DENND4C: variants seen among roughly 807,000 people sequenced by gnomAD.
DENND4C encodes the protein DENN domain containing 4C, also known as DENN domain-containing protein 4C.
DENND4C carries 108 observed loss-of-function variants against 203.0 expected under a neutral mutation model. The observed-to-expected ratio is 0.53, with a 90% CI of 0.46 to 0.62. The LOEUF is 0.62. DENND4C is among the 20% of genes least tolerant of loss of function. DENND4C has a pLI of 0.00. For synonymous variants in DENND4C, 871 were observed against 792.4 expected (o/e 1.10, Z -1.67); for missense variants, 2,481 against 2,301.2 (o/e 1.08, Z -1.60).
At position 19,335,598 on chromosome 9, in the gene DENND4C, T is replaced by C. The variant is rs139558529; in HGVS notation, c.2589+493T>C. Among the ~76,000 whole-genome samples the C allele has an allele frequency of 3.5e-3, 531 of 152,288 alleles. 2 individuals are homozygous for C. Among genetic ancestry groups the C allele is most frequent in the African/African-American group, 0.012 (511 of 41,570 alleles). On this transcript the variant is annotated intron_variant, in intron 18 of 32. Transcript: ENST00000434457. The stretch of plus-strand genomic sequence containing the variant: ...TCCTGGATCTCATATATATGTGAGA[T>C]CTTGCGGTATTTGTCTTTCTGTGCC...
chr9:19,316,843 A>G lies in DENND4C; in HGVS notation c.1807+4A>G, dbSNP rs1046244178. The G allele has an allele frequency of 6.2e-7, 1 of 1,605,532 alleles. No homozygotes were observed. The highest frequency in any genetic ancestry group is 8.5e-7 in the Non-Finnish European group (1 of 1,177,104). ...GATTCATTGTTTGACCGACAGGGTG[A>G]GTAGCATTGAAAGTACAATTCCTTT... On this transcript the variant is annotated splice_donor_region_variant and intron_variant, in intron 12 of 32. Coordinates refer to ENST00000434457, the MANE Select transcript of DENND4C (RefSeq NM_001330640.2).
intron 22 of DENND4C, among the ~76,000 whole-genome samples, chr9:19,343,767 A>G (rs1241459864): frequency 6.6e-6 from 1 of 152,264 alleles, no homozygotes; most frequent in African/African-American, 2.4e-5. Flanking sequence ...AAAATATTGA[A>G]CTGGACATCG....
intron 31 of DENND4C, 29 bp downstream of exon 31, chr9:19,370,016 CCACT>C: frequency 3.1e-6 from 5 of 1,609,590 alleles, no homozygotes; most frequent in Middle Eastern, 1.7e-4. Flanking sequence ...TTGCTTGCCA[CCACT>C]CAGTCATTTC....
rs893088355 is a variant in DENND4C at position 19,332,049 on chromosome 9, T to G, written c.2325T>G (p.Phe775Leu). 7 of 1,614,120 alleles carry G rather than the reference T, an allele frequency of 4.3e-6. No homozygotes were observed. The highest frequency in any genetic ancestry group is 5.9e-6 in the Non-Finnish European group (7 of 1,180,002). The stretch of plus-strand genomic sequence containing the variant: ...CACCACAGTGGGCCAAGTGTCTGTT[T>G]AGTCATTGTTACAGTTTATGGTTTA... ...TNPPQWAKCLFSHCYSLWFIC... is the reference protein window; with the variant it reads ...TNPPQWAKCLLSHCYSLWFIC... The change falls in exon 17 of 33, where the codon TTT (phenylalanine) becomes TTG (leucine). Residue 775 changes from phenylalanine (F) to leucine (L), a missense_variant. Transcript: ENST00000434457.
At position 19,358,814 on chromosome 9, in the gene DENND4C, T is replaced by C. The variant is rs538132748; in HGVS notation, c.5160+654T>C. Among the ~76,000 whole-genome samples, 1 of 151,958 alleles carries C rather than the reference T, an allele frequency of 6.6e-6. No individual in the cohort carries two copies. The highest frequency in any genetic ancestry group is 2.4e-5 in the African/African-American group (1 of 41,228). On this transcript the variant is annotated intron_variant, in intron 28 of 32. Transcript: ENST00000434457. This position sits in a 1 kb window ranked among gnomAD's most constrained non-coding sequence, Gnocchi z 4.8. Reference sequence around the variant, plus strand: ...ATTTTGCTGATTGCAACGATAAAAGTTGGAATTTGTGTCCGGAACCTTGAT... The same window carrying C: ...ATTTTGCTGATTGCAACGATAAAAGCTGGAATTTGTGTCCGGAACCTTGAT...
intron 27 of DENND4C, 159 bp from the exon 28 acceptor site, chr9:19,357,806 C>T: frequency 1.7e-6 from 1 of 583,048 alleles, no homozygotes; most frequent in African/African-American, 1.8e-5. Flanking sequence ...ACCAGTTTTA[C>T]AAAAATGGTT....
At chr9:19,342,506 G>A in intron 21 of DENND4C, 127 bp from the exon 22 acceptor site, 2 of 926,756 alleles carry the variant, frequency 2.2e-6, no homozygotes, top group Non-Finnish European at 3.0e-6. Flanking sequence ...ATTTTACTTT[G>A]TGTCTAAAGT....
rs1044294186 is a variant in DENND4C, at chr9:19,290,705, T to C, written c.630T>C (p.Gly210=). Residue 210 remains glycine, a splice_region_variant and synonymous_variant, in exon 5 of 33, where the codon GGT becomes GGC. Transcript: ENST00000434457. ...TATTGTTGTCTCATTCTTCAAAAGG[T>C]TTAATTTTTAGATATCCAGAAGAGG... ...PASNAIAYKA[G]LIFRYPEEDY... 3.5e-6 allele frequency: 5 copies of C among 1,432,746 alleles called. No individual in the cohort carries two copies. The highest frequency in any genetic ancestry group is 3.7e-6 in the Non-Finnish European group (4 of 1,084,658). 88.8% of individuals were successfully genotyped at this position (1,432,746 alleles called of 1,614,324 possible). A position where few individuals can be genotyped will look rare whatever the true frequency, so the allele number is the denominator to read the frequency against.
At chr9:19,251,184 C>T (rs1364858129) in intron 1 of DENND4C, among the ~76,000 whole-genome samples, 3 of 152,350 alleles carry the variant, frequency 2.0e-5, no homozygotes, top group African/African-American at 7.2e-5. Context: ...GTTCGCAAAC[C>T]CTAGTTCTTG....
In DENND4C at chr9:19,296,090, T is replaced by A. The variant is rs764614474; in HGVS notation, c.884T>A (p.Leu295Ter). 2.5e-6 allele frequency: 4 copies of A among 1,614,152 alleles called. No homozygotes were observed. The highest frequency in any genetic ancestry group is 2.5e-6 in the Non-Finnish European group (3 of 1,180,016). The change falls in exon 6 of 33, where the codon TTG (leucine) becomes TAG (stop). Residue 295 changes from leucine to a stop codon, truncating the protein, a stop_gained. Transcript: ENST00000434457. LOFTEE classifies it high-confidence loss of function. ...SEKQLMHLGLLTPVERKMVSK... is the reference protein window; with the variant it reads ...SEKQLMHLGL ...AAACAGCTTATGCACCTGGGCTTGT[T>A]GACGCCTGTGGAGAGAAAAATGGTC...
chr9:19,243,220 C>T (rs915295029), intron 1 of DENND4C, among the ~76,000 whole-genome samples: 2 of 152,152 alleles, frequency 1.3e-5, no homozygotes, highest in Non-Finnish European at 2.9e-5. Context: ...CTATTTTGGA[C>T]ATTTCATAGA....
chr9:19,263,083 T>C (rs531116791), intron 1 of DENND4C, among the ~76,000 whole-genome samples: 29 of 152,340 alleles, frequency 1.9e-4, no homozygotes, highest in African/African-American at 6.5e-4. Flanking sequence ...CTGTTGTATA[T>C]AGCTCTTACT....
In DENND4C at chr9:19,352,014, A is replaced by G. The variant is rs566973192; in HGVS notation, c.4496-59A>G. On this transcript the variant is annotated intron_variant, in intron 24 of 32. Coordinates refer to ENST00000434457, the MANE Select transcript of DENND4C (RefSeq NM_001330640.2). ...GTCCCCCCTAAATACTTTGGCATGC[A>G]TTTTCAAAAAACAAGGACATTCCTT... 1.3e-5 allele frequency: 19 copies of G among 1,451,286 alleles called. No homozygotes were observed. The Admixed American group carries it at 2.1e-4, about 16-fold the overall frequency. 89.9% of individuals were successfully genotyped at this position (1,451,286 alleles called of 1,614,324 possible).
At chr9:19,337,624 A>G (rs1239338754) in intron 20 of DENND4C, 6 of 1,286,084 alleles carry the variant, frequency 4.7e-6, no homozygotes, top group East Asian at 5.6e-5. Context: ...ACGTGAAGCT[A>G]TGGATACACG....
At chr9:19,230,999 G>A (rs1326134192) in intron 1 of DENND4C, among the ~76,000 whole-genome samples, 166 bp downstream of exon 1, 4 of 152,248 alleles carry the variant, frequency 2.6e-5, no homozygotes, top group Non-Finnish European at 4.4e-5. Context: ...GGCCGCGGCT[G>A]GCGTTCGTGG....
chr9:19,277,017 G>A (rs1833016886), intron 2 of DENND4C, among the ~76,000 whole-genome samples: 1 of 151,736 alleles, frequency 6.6e-6, no homozygotes, highest in Non-Finnish European at 1.5e-5. Context: ...ATTCTTTTTT[G>A]TAAATGCCTA....
intron 2 of DENND4C, among the ~76,000 whole-genome samples, chr9:19,279,073 G>A (rs10964081): frequency 0.017 from 2,389 of 139,442 alleles, 508 homozygotes; most frequent in African/African-American, 0.062. Flanking sequence ...CAGCTAACCT[G>A]TAATCCCAGC....
At chr9:19,256,031 A>T (rs1827832890) in intron 1 of DENND4C, among the ~76,000 whole-genome samples, 1 of 151,818 alleles carries the variant, frequency 6.6e-6, no homozygotes, top group Non-Finnish European at 1.5e-5. Context: ...TGAGGCCAGG[A>T]GTTCAAGACC....
intron 30 of DENND4C, 51 bp from the exon 31 acceptor site, chr9:19,369,779 ATAATAAT>A: frequency 2.7e-6 from 2 of 741,008 alleles, no homozygotes; most frequent in Admixed American, 5.1e-5. Flanking sequence ...AAAAAAAAAA[ATAATAAT>A]AATAATAATA....
Sources: allele counts gnomAD v4.1 joint callset (sites outside exome capture counted in the v4.1 genomes callset), GRCh38; gene constraint gnomAD v4.1.1; non-coding constraint Gnocchi (gnomAD v3.1); transcripts MANE v1.5; gene names NCBI Gene and HGNC (gene_info 2026-07-23, HGNC 2026-07-21).